NTPCR: variants seen among roughly 807,000 people sequenced by gnomAD.
NTPCR encodes the protein nucleoside-triphosphatase, cancer-related, also known as cancer-related nucleoside-triphosphatase.
Under a neutral mutation model 19.5 loss-of-function variants are expected in NTPCR, and 15 were observed. The ratio of observed to expected loss-of-function variants is 0.77; its 90% CI spans 0.51 to 1.18. The LOEUF (loss-of-function observed/expected upper bound fraction) is 1.18, where lower values mean the gene tolerates loss of function less well. Among genes scored for constraint, NTPCR ranks in the 50% most tolerant of loss-of-function variants. NTPCR has a pLI of 0.00. For missense variants in NTPCR, 206 were observed against 240.4 expected, an observed-to-expected ratio of 0.86 and a Z score of 0.95; for synonymous variants, 90 against 95.8, an observed-to-expected ratio of 0.94 and a Z score of 0.36.
At chr1:232,958,933 A>G (rs1668591259) in intron 3 of NTPCR, among the ~76,000 whole-genome samples, 1 of 152,182 alleles carries the variant, frequency 6.6e-6, no homozygotes, top group Non-Finnish European at 1.5e-5. Flanking sequence ...TAGATGCAAG[A>G]TTATATAAGA....
At chr1:232,973,801 T>G (rs975484226) in intron 4 of NTPCR, among the ~76,000 whole-genome samples, 12 of 152,190 alleles carry the variant, frequency 7.9e-5, no homozygotes, top group African/African-American at 2.7e-4. Context: ...AATGGGCTCA[T>G]CAGCAGAATA....
intron 3 of NTPCR, chr1:232,963,024 G>A (rs1228581855): frequency 1.3e-5 from 2 of 152,306 alleles, no homozygotes; most frequent in East Asian, 3.9e-4. Context: ...AGATTGACAA[G>A]CTCCTCAGCA....
chr1:232,973,148 A>G (rs1001070972), intron 4 of NTPCR, among the ~76,000 whole-genome samples: 24 of 152,336 alleles, frequency 1.6e-4, no homozygotes, highest in African/African-American at 4.8e-4. Flanking sequence ...ATATGGGGGA[A>G]ATGTACCACA....
At chr1:232,961,465 A>G (rs1430326663) in intron 3 of NTPCR, among the ~76,000 whole-genome samples, 1 of 152,188 alleles carries the variant, frequency 6.6e-6, no homozygotes, top group African/African-American at 2.4e-5. Flanking sequence ...TTCAGTTACT[A>G]ATGGGGTTAA....
At position 232,981,273 on chromosome 1, in the gene NTPCR, C is replaced by G. The variant is rs1258745709; in HGVS notation, c.*3042C>G. 1 of 152,200 alleles carries G rather than the reference C, an allele frequency of 6.6e-6. No individual in the cohort carries two copies. The highest frequency in any genetic ancestry group is 2.4e-5 in the African/African-American group (1 of 41,442). The allele number at this position is 152,200 out of a possible 1,614,324, so 9.4% of individuals were successfully genotyped here. Reference sequence around the variant, plus strand: ...TTGACAGGGAGAGATCCTAGTAAAGCTGCAAATTCAGGCACTCAGTTCCCA... The same window carrying G: ...TTGACAGGGAGAGATCCTAGTAAAGGTGCAAATTCAGGCACTCAGTTCCCA... On this transcript the variant is annotated 3_prime_UTR_variant, in exon 5 of 5. Coordinates refer to ENST00000366628, the MANE Select transcript of NTPCR (RefSeq NM_032324.3).
intron 4 of NTPCR, chr1:232,976,672 C>T: frequency 2.5e-6 from 3 of 1,213,458 alleles, no homozygotes; most frequent in Non-Finnish European, 3.3e-6. Context: ...ATTGACGCAG[C>T]CAGGACCAGT....
chr1:232,951,161 A>G (rs1415102074), intron 1 of NTPCR: 1 of 165,096 alleles, frequency 6.1e-6, no homozygotes, highest in African/African-American at 2.4e-5. Flanking sequence ...TCTTTGCTAC[A>G]TTGATCGTGC....
rs150620115 is a variant in NTPCR at position 232,961,651 on chromosome 1, G to A, written c.294+5208G>A. Among the ~76,000 whole-genome samples the A allele has an allele frequency of 8.2e-3, 1,243 of 152,176 alleles. 12 individuals are homozygous for A. The highest frequency in any genetic ancestry group is 0.013 in the Non-Finnish European group (859 of 68,002). Reference sequence around the variant, plus strand: ...CTTTGGTGATTATTTTCCCTTCAAGGTAGAGAAAAGTCTGTCCCTATTCCA... The same window carrying A: ...CTTTGGTGATTATTTTCCCTTCAAGATAGAGAAAAGTCTGTCCCTATTCCA... On this transcript the variant is annotated intron_variant, in intron 3 of 4. Transcript: ENST00000366628.
intron 1 of NTPCR, 72 bp from the exon 2 acceptor site, chr1:232,955,485 C>T: frequency 7.8e-7 from 1 of 1,284,808 alleles, no homozygotes; most frequent in South Asian, 1.5e-5. Flanking sequence ...TCCACAAGTG[C>T]TGTGTGTGCT....
At chr1:232,972,298 A>T (rs974714800) in intron 4 of NTPCR, among the ~76,000 whole-genome samples, 1 of 151,592 alleles carries the variant, frequency 6.6e-6, no homozygotes, top group Non-Finnish European at 1.5e-5. Context: ...GTTTTATTTT[A>T]TTTTTTATTT....
chr1:232,963,831 C>CTGTGTGTG (rs1179715656), intron 3 of NTPCR: 3 of 118,884 alleles, frequency 2.5e-5, no homozygotes, highest in African/African-American at 3.0e-5. Flanking sequence ...CTTATTCTCT[C>CTGTGTGTG]TCTCTGTGTG....
At position 232,978,268 on chromosome 1, in the gene NTPCR, C is replaced by T. The variant is rs1255186012; in HGVS notation, c.*37C>T. 1.3e-6 allele frequency: 2 copies of T among 1,585,480 alleles called. No homozygotes were observed. The highest frequency in any genetic ancestry group is 1.7e-6 in the Non-Finnish European group (2 of 1,155,262). On this transcript the variant is annotated 3_prime_UTR_variant, in exon 5 of 5. Coordinates refer to ENST00000366628, the MANE Select transcript of NTPCR (RefSeq NM_032324.3). ...TTCCTGCCTTCCGTGAAGGAGTGCC[C>T]AGTTCAAGAGGAGCCTGATGGAGCC...
Position 232,955,530 on chromosome 1 carries a change from C to CTTTT in NTPCR, c.35-11_35-8dup, listed in dbSNP as rs55951151. 160 of 1,351,364 alleles carry CTTTT rather than the reference C, an allele frequency of 1.2e-4. 2 individuals carry two copies. The highest frequency in any genetic ancestry group is 6.7e-4 in the African/African-American group (41 of 60,960). The allele number at this position is 1,351,364 out of a possible 1,614,324, so 83.7% of individuals were successfully genotyped here. ...GAATGTTTCCTAATGGGCTTTTCTT[C>CTTTT]TTTTTTTTTTTTTTTTTTTATTTTA... On this transcript the variant is annotated intron_variant, in intron 1 of 4. Transcript: ENST00000366628.
At chr1:232,968,008 A>T (rs1438730512) in intron 3 of NTPCR, 1 of 152,190 alleles carries the variant, frequency 6.6e-6, no homozygotes, top group East Asian at 1.9e-4. Flanking sequence ...AACTTGGAAT[A>T]AGTAGTGACT....
At chr1:232,970,594 C>T (rs1191899293) in intron 4 of NTPCR, among the ~76,000 whole-genome samples, 6 of 152,148 alleles carry the variant, frequency 3.9e-5, no homozygotes, top group East Asian at 3.8e-4. Flanking sequence ...AGAGCAGCAC[C>T]GTCCAGTTGA....
At chr1:232,976,301 G>T in intron 4 of NTPCR, 2 of 1,439,592 alleles carry the variant, frequency 1.4e-6, no homozygotes, top group Middle Eastern at 3.7e-4. Flanking sequence ...TTCTCTTCTA[G>T]CTATCTTGAA....
chr1:232,955,539 T>TA lies in NTPCR; in HGVS notation c.35-18_35-17insA, dbSNP rs1214714850. On this transcript the variant is annotated splice_polypyrimidine_tract_variant and intron_variant, in intron 1 of 4. Transcript: ENST00000366628. Reference sequence around the variant, plus strand: ...CTAATGGGCTTTTCTTCTTTTTTTTTTTTTTTTTTTATTTTAGGAGTTGGA... The same window carrying TA: ...CTAATGGGCTTTTCTTCTTTTTTTTTATTTTTTTTTTATTTTAGGAGTTGGA... The TA allele has an allele frequency of 6.7e-7, 1 of 1,490,900 alleles. No individual in the cohort carries two copies. Among genetic ancestry groups the TA allele is most frequent in the South Asian group, 1.3e-5 (1 of 74,936 alleles). 92.4% of individuals were successfully genotyped at this position (1,490,900 alleles called of 1,614,324 possible).
intron 3 of NTPCR, among the ~76,000 whole-genome samples, chr1:232,956,689 A>G (rs1668520948): frequency 6.6e-6 from 1 of 152,204 alleles, no homozygotes; most frequent in Non-Finnish European, 1.5e-5. Flanking sequence ...CCAGGTACCA[A>G]CATTCCCAAA....
rs1669201625 is a variant in NTPCR, at chr1:232,978,316, T to A, written c.*85T>A. The A allele has an allele frequency of 5.6e-6, 6 of 1,081,006 alleles. No individual in the cohort carries two copies. In the East Asian group the frequency reaches 1.2e-4, roughly 22 times the overall value. The allele number at this position is 1,081,006 out of a possible 1,614,324, so 67.0% of individuals were successfully genotyped here. On this transcript the variant is annotated 3_prime_UTR_variant, in exon 5 of 5. Coordinates refer to ENST00000366628, the MANE Select transcript of NTPCR (RefSeq NM_032324.3). ...GCCCTGCCTGTCGAGGCTGTATGCC[T>A]ATGGGGTTATGGAACCTTGTGGGCT...
Sources: allele counts gnomAD v4.1 joint callset (sites outside exome capture counted in the v4.1 genomes callset), GRCh38; gene constraint gnomAD v4.1.1; transcripts MANE v1.5; gene names NCBI Gene and HGNC (gene_info 2026-07-23, HGNC 2026-07-21).